PRMT2: variants seen among roughly 807,000 people sequenced by gnomAD.
PRMT2 encodes the protein protein arginine N-methyltransferase 2.
Under a neutral mutation model 57.6 loss-of-function variants are expected in PRMT2, and 26 were observed. The observed-to-expected ratio is 0.45, with a 90% CI of 0.33 to 0.63. PRMT2 has a LOEUF of 0.63. Ranked by LOEUF, PRMT2 falls within the 20% of genes least tolerant of loss-of-function variation. PRMT2 has a pLI of 0.02. For missense variants in PRMT2, 472 were observed against 564.4 expected (o/e 0.84, Z 1.66); for synonymous variants, 219 against 220.0 (o/e 1.00, Z 0.04).
chr21:46,661,499 G>A, intron 9 of PRMT2: 1 of 235,418 alleles, frequency 4.2e-6, no homozygotes, highest in East Asian at 8.1e-5. Flanking sequence ...TCGTTCTGCT[G>A]TGGAAAGGCC....
chr21:46,664,193 C>T, intron 11 of PRMT2, 102 bp from the exon 12 acceptor site: 1 of 1,024,750 alleles, frequency 9.8e-7, no homozygotes, highest in Non-Finnish European at 1.5e-6. Context: ...AATTCTGCAC[C>T]TGAATACTGT....
intron 7 of PRMT2, chr21:46,654,856 C>T (rs1053921755): frequency 1.0e-6 from 1 of 980,194 alleles, no homozygotes; most frequent in South Asian, 4.7e-5. Context: ...CCATAGACAC[C>T]AAGAAACAAC....
At chr21:46,639,775 G>A (rs191546392) in intron 3 of PRMT2, among the ~76,000 whole-genome samples, 3 of 150,148 alleles carry the variant, frequency 2.0e-5, no homozygotes, top group Admixed American at 1.3e-4. Flanking sequence ...CGTTTTTCTC[G>A]TAAAGAGCTA....
chr21:46,652,769 G>C (rs1436282567), intron 7 of PRMT2: 16 of 1,181,460 alleles, frequency 1.4e-5, no homozygotes, highest in Middle Eastern at 2.4e-4. Context: ...AGGTGTCCTA[G>C]ATTGTCAACA....
chr21:46,663,497 C>T lies in PRMT2; in HGVS notation c.1212C>T (p.His404=). 14 of 1,614,196 alleles carry T rather than the reference C, an allele frequency of 8.7e-6. No individual in the cohort carries two copies. The highest frequency in any genetic ancestry group is 1.2e-5 in the Non-Finnish European group (14 of 1,180,008). The change falls in exon 11 of 12, where the codon CAC becomes CAT. Residue 404 remains histidine, a synonymous_variant. Transcript: ENST00000355680. Reference sequence around the variant, plus strand: ...AGAGAAACCCAGTGTGGAGAAGGCACATGTCTGTGGCTCTGAGCTGGGCTG... The same window carrying T: ...AGAGAAACCCAGTGTGGAGAAGGCATATGTCTGTGGCTCTGAGCTGGGCTG... The part of the protein sequence containing the change: ...VLQRNPVWRR[H]MSVALSWAVT...
At chr21:46,642,499 G>A (rs1431846957) in intron 3 of PRMT2, among the ~76,000 whole-genome samples, 2 of 152,202 alleles carry the variant, frequency 1.3e-5, no homozygotes, top group Non-Finnish European at 2.9e-5. Context: ...AAACACCAAT[G>A]TGCTGTCTGT....
chr21:46,643,412 T>C (rs1457374110), intron 3 of PRMT2, 123 bp from the exon 4 acceptor site: 4 of 1,319,792 alleles, frequency 3.0e-6, no homozygotes, highest in South Asian at 4.7e-5. Flanking sequence ...AAATAGTTTG[T>C]ATAATAAATA....
chr21:46,664,552 C>G lies in PRMT2; in HGVS notation c.*225C>G, dbSNP rs1344519987. On this transcript the variant is annotated 3_prime_UTR_variant, in exon 12 of 12. Transcript: ENST00000355680. ...CCACCCCCGCTGCCCAGTGTCTGCC[C>G]TCTAGAAGTAGGCTGTGTTTCCAGG... 2 of 605,978 alleles carry G rather than the reference C, an allele frequency of 3.3e-6. No homozygotes were observed. Among genetic ancestry groups the G allele is most frequent in the African/African-American group, 1.8e-5 (1 of 54,122 alleles). The allele number at this position is 605,978 out of a possible 1,614,324, so 37.5% of individuals were successfully genotyped here.
intron 7 of PRMT2, chr21:46,653,044 AC>A (rs1569159235): frequency 1.8e-6 from 2 of 1,119,754 alleles, no homozygotes; most frequent in Non-Finnish European, 2.2e-6. Context: ...ACTCAGTCTT[AC>A]TGTTGTTAGT....
Position 46,648,353 on chromosome 21 carries a change from T to C in PRMT2, c.328-105T>C, listed in dbSNP as rs995595514. ...CCTTCCATAGTCTTCCATAGGGGTG[T>C]TGGGGTCAGGGGTCATCAGCTGTGG... On this transcript the variant is annotated intron_variant, in intron 5 of 11. Coordinates refer to ENST00000355680, the MANE Select transcript of PRMT2 (RefSeq NM_206962.4). The surrounding 1 kb of genome is among the most constrained non-coding windows in gnomAD (Gnocchi z 4.8). 56 of 1,230,490 alleles carry C rather than the reference T, an allele frequency of 4.6e-5. No individual in the cohort carries two copies. The highest frequency in any genetic ancestry group is 2.0e-5 in the Admixed American group (1 of 48,864). The allele number at this position is 1,230,490 out of a possible 1,614,324, so 76.2% of individuals were successfully genotyped here. A position where few individuals can be genotyped will look rare whatever the true frequency, so the allele number is the denominator to read the frequency against.
chr21:46,654,752 G>C (rs1271724921), intron 7 of PRMT2: 2 of 199,762 alleles, frequency 1.0e-5, no homozygotes, highest in Non-Finnish European at 1.8e-5. Context: ...GTCGGAGGAT[G>C]TGTGTAGCCT....
At position 46,644,198 on chromosome 21, in the gene PRMT2, G is replaced by A. The variant is rs578100589; in HGVS notation, c.145-108G>A. The A allele has an allele frequency of 1.3e-3, 1,571 of 1,164,572 alleles. 1 individual carries two copies. Among genetic ancestry groups the A allele is most frequent in the Non-Finnish European group, 1.8e-3 (1,502 of 833,752 alleles). 72.1% of individuals were successfully genotyped at this position (1,164,572 alleles called of 1,614,324 possible). ...TTGCTGTCATTACCCACTGACTCCT[G>A]TTTGAAATCTCTGTGATTTTGTCAC... On this transcript the variant is annotated intron_variant, in intron 4 of 11. Transcript: ENST00000355680.
At chr21:46,651,179 T>C (rs1302729442) in intron 7 of PRMT2, among the ~76,000 whole-genome samples, 1 of 150,564 alleles carries the variant, frequency 6.6e-6, no homozygotes, top group Non-Finnish European at 1.5e-5. Context: ...CATGGCTTTA[T>C]TGTCAGGATG....
chr21:46,660,580 A>C (rs9978916), intron 8 of PRMT2, among the ~76,000 whole-genome samples: 12,196 of 152,152 alleles, frequency 0.08, 822 homozygotes, highest in African/African-American at 0.19. Flanking sequence ...AGTGACTGGC[A>C]GGCTCCTTAA....
In PRMT2 at chr21:46,664,370, G is replaced by A. The variant is rs7283432; in HGVS notation, c.*43G>A. On this transcript the variant is annotated 3_prime_UTR_variant, in exon 12 of 12. Transcript: ENST00000355680. Reference sequence around the variant, plus strand: ...GGAAAGCAGTGTGCATATCTTGAGGGGTGATGAACACAAGCAAACCAAGTT... The same window carrying A: ...GGAAAGCAGTGTGCATATCTTGAGGAGTGATGAACACAAGCAAACCAAGTT... 2.3e-3 allele frequency: 3,750 copies of A among 1,613,610 alleles called. 64 individuals carry two copies. In the African/African-American group the frequency reaches 0.044, roughly 19 times the overall value.
chr21:46,662,694 G>A (rs2061648908), intron 10 of PRMT2, among the ~76,000 whole-genome samples: 1 of 152,194 alleles, frequency 6.6e-6, no homozygotes, highest in African/African-American at 2.4e-5. Context: ...GGAGACCTGA[G>A]GAGCCCCCCA....
intron 3 of PRMT2, among the ~76,000 whole-genome samples, chr21:46,637,809 A>G (rs2061201952): frequency 6.6e-6 from 1 of 152,052 alleles, no homozygotes; most frequent in Non-Finnish European, 1.5e-5. Context: ...ATGTATATGT[A>G]AAAAATACTG....
intron 7 of PRMT2, chr21:46,653,854 A>C: frequency 2.0e-6 from 2 of 1,024,982 alleles, no homozygotes; most frequent in Non-Finnish European, 2.3e-6. Flanking sequence ...AGACATCTCC[A>C]ACCAAGGTCT....
Position 46,649,535 on chromosome 21 carries a change from G to C in PRMT2, c.490-40G>C, listed in dbSNP as rs552082033. ...CAGGAGAGTAGATGACGGGCCGTGT[G>C]CCGGCCGGATGTACGCTGACGGTGC... On this transcript the variant is annotated intron_variant, in intron 6 of 11. Transcript: ENST00000355680. This position sits in a 1 kb window ranked among gnomAD's most constrained non-coding sequence, Gnocchi z 4.8. The C allele has an allele frequency of 1.2e-6, 2 of 1,613,328 alleles. No individual in the cohort carries two copies. Among genetic ancestry groups the C allele is most frequent in the East Asian group, 4.5e-5 (2 of 44,878 alleles).
Sources: allele counts gnomAD v4.1 joint callset (sites outside exome capture counted in the v4.1 genomes callset), GRCh38; gene constraint gnomAD v4.1.1; non-coding constraint Gnocchi (gnomAD v3.1); transcripts MANE v1.5; gene names NCBI Gene and HGNC (gene_info 2026-07-23, HGNC 2026-07-21).